Variants in SPRED2 observed in about 807,000 individuals in gnomAD.
SPRED2 encodes sprouty-related, EVH1 domain-containing protein 2.
Under a neutral mutation model 43.0 loss-of-function variants are expected in SPRED2, and 47 were observed. That is an observed-to-expected ratio of 1.09 (90% confidence interval 0.87 to 1.40). The LOEUF is 1.40. SPRED2 is among the 40% of genes most tolerant of loss of function. The probability of loss-of-function intolerance (pLI) is 0.00; values close to 1 mark genes in which losing one functional copy is unlikely to be tolerated. For missense variants in SPRED2, 561 were observed against 586.4 expected, an observed-to-expected ratio of 0.96 and a Z score of 0.45; for synonymous variants, 225 against 225.7, an observed-to-expected ratio of 1.00 and a Z score of 0.03.
At chr2:65,393,807 T>A (rs1572890770) in intron 1 of SPRED2, among the ~76,000 whole-genome samples, 1 of 152,206 alleles carries the variant, frequency 6.6e-6, no homozygotes, top group African/African-American at 2.4e-5. Context: ...GGAGAATTCA[T>A]TTATTCATTC....
chr2:65,347,022 C>A (rs1674369351), intron 1 of SPRED2, among the ~76,000 whole-genome samples: 1 of 152,174 alleles, frequency 6.6e-6, no homozygotes, highest in Non-Finnish European at 1.5e-5. Flanking sequence ...ATGCCCAGGT[C>A]AACCGTGAAT....
intron 4 of SPRED2, among the ~76,000 whole-genome samples, chr2:65,319,484 G>A (rs1468579726): frequency 6.6e-6 from 1 of 152,162 alleles, no homozygotes. Context: ...AGCCAAGCCT[G>A]AATCCTGACC....
intron 4 of SPRED2, among the ~76,000 whole-genome samples, chr2:65,330,457 T>C (rs1220611114): frequency 6.6e-6 from 1 of 152,242 alleles, no homozygotes; most frequent in African/African-American, 2.4e-5. Flanking sequence ...TTATTTCTTT[T>C]AAAAATTATT....
chr2:65,410,158 G>A (rs1676121797), intron 1 of SPRED2, among the ~76,000 whole-genome samples: 1 of 151,534 alleles, frequency 6.6e-6, no homozygotes, highest in South Asian at 2.1e-4. Flanking sequence ...GATAACTTGA[G>A]CCCAGGAGTT....
At chr2:65,391,660 C>G (rs1257172375) in intron 1 of SPRED2, among the ~76,000 whole-genome samples, 3 of 152,182 alleles carry the variant, frequency 2.0e-5, no homozygotes, top group Non-Finnish European at 2.9e-5. Context: ...TGTGTTTTCA[C>G]TTGACTATTA....
chr2:65,370,148 T>G (rs1390387167), intron 1 of SPRED2, among the ~76,000 whole-genome samples: 2 of 152,348 alleles, frequency 1.3e-5, no homozygotes, highest in East Asian at 1.9e-4. Context: ...AAATTCAACC[T>G]TGCCTACACT....
At chr2:65,418,489 G>A (rs1476706909) in intron 1 of SPRED2, among the ~76,000 whole-genome samples, 7 of 151,994 alleles carry the variant, frequency 4.6e-5, no homozygotes, top group South Asian at 2.1e-4. Context: ...TCACCTTGTC[G>A]GAAGTGAACT....
At chr2:65,406,776 C>T (rs1188373543) in intron 1 of SPRED2, among the ~76,000 whole-genome samples, 2 of 152,194 alleles carry the variant, frequency 1.3e-5, no homozygotes, top group Non-Finnish European at 2.9e-5. Context: ...CCAGAATGGC[C>T]TGATAAAGGC....
chr2:65,356,951 G>A (rs113132243), intron 1 of SPRED2, among the ~76,000 whole-genome samples: 1 of 152,244 alleles, frequency 6.6e-6, no homozygotes, highest in African/African-American at 2.4e-5. Context: ...CTAAGATCAC[G>A]CTACTGCACT....
chr2:65,366,693 A>C, intron 1 of SPRED2: 1 of 1,530,580 alleles, frequency 6.5e-7, no homozygotes. Flanking sequence ...TCTCTTGCTG[A>C]CCTGAGAACC....
chr2:65,347,350 C>A (rs1674381946), intron 1 of SPRED2, among the ~76,000 whole-genome samples: 2 of 152,084 alleles, frequency 1.3e-5, no homozygotes, highest in African/African-American at 4.8e-5. Context: ...CTACTATGCT[C>A]ATAGGACTAG....
chr2:65,347,999 A>G (rs563489041), intron 1 of SPRED2, among the ~76,000 whole-genome samples: 103 of 152,292 alleles, frequency 6.8e-4, no homozygotes, highest in Admixed American at 1.4e-3. Flanking sequence ...AAGGTAAGTC[A>G]GATCATTCTA....
At chr2:65,344,016 G>A (rs552502765) in intron 2 of SPRED2, among the ~76,000 whole-genome samples, 16 of 151,738 alleles carry the variant, frequency 1.1e-4, no homozygotes, top group African/African-American at 3.1e-4. Context: ...GTGTAGTGGC[G>A]CGCACCTGTA....
At chr2:65,382,883 G>C (rs190309720) in intron 1 of SPRED2, among the ~76,000 whole-genome samples, 1 of 152,172 alleles carries the variant, frequency 6.6e-6, no homozygotes, top group Admixed American at 6.5e-5. Context: ...ACGGTGTGGC[G>C]CAGTAATTCT....
chr2:65,312,699 A>G lies in SPRED2; in HGVS notation c.*802T>C. ...AGGCTCATAGAAACCTGAAATCCCC[A>G]TTCTAGCCCTGGTCCAAGAGGATGC... On this transcript the variant is annotated 3_prime_UTR_variant, in exon 6 of 6. Transcript: ENST00000356388. 1 of 985,902 alleles carries G rather than the reference A, an allele frequency of 1.0e-6. No homozygotes were observed. Among genetic ancestry groups the G allele is most frequent in the Non-Finnish European group, 1.2e-6 (1 of 829,936 alleles). The allele number at this position is 985,902 out of a possible 1,614,324, so 61.1% of individuals were successfully genotyped here.
At chr2:65,385,327 T>TA (rs34330307) in intron 1 of SPRED2, among the ~76,000 whole-genome samples, 7,835 of 152,232 alleles carry the variant, frequency 0.051, 296 homozygotes, top group Middle Eastern at 0.15. Context: ...GCTGACTGAT[T>TA]AAAGGAAAAA....
chr2:65,421,740 G>A (rs1676428192), intron 1 of SPRED2, among the ~76,000 whole-genome samples: 1 of 152,184 alleles, frequency 6.6e-6, no homozygotes, highest in South Asian at 2.1e-4. Flanking sequence ...GGAATGCAAG[G>A]AAGAAATGTC....
chr2:65,369,764 A>G (rs1572875976), intron 1 of SPRED2, among the ~76,000 whole-genome samples: 1 of 152,256 alleles, frequency 6.6e-6, no homozygotes, highest in African/African-American at 2.4e-5. Flanking sequence ...TTGGCAGCTC[A>G]TGCCAGTGCT....
chr2:65,385,514 T>C (rs993155195), intron 1 of SPRED2, among the ~76,000 whole-genome samples: 1 of 152,136 alleles, frequency 6.6e-6, no homozygotes, highest in Non-Finnish European at 1.5e-5. Flanking sequence ...ATGCCAGTGC[T>C]GCAGTGGAGG....
Sources: allele counts gnomAD v4.1 joint callset (sites outside exome capture counted in the v4.1 genomes callset), GRCh38; gene constraint gnomAD v4.1.1; transcripts MANE v1.5; gene names NCBI Gene and HGNC (gene_info 2026-07-23, HGNC 2026-07-21).